The following SMARCD3 variants were observed in gnomAD, a reference collection of about 807,000 sequenced individuals.
The protein encoded by SMARCD3 is SWI/SNF-related matrix-associated actin-dependent regulator of chromatin subfamily D member 3.
In SMARCD3, 14 loss-of-function variants were observed where a neutral mutation model predicts 58.0. The observed-to-expected ratio is 0.24, with a 90% CI of 0.16 to 0.38. The LOEUF (loss-of-function observed/expected upper bound fraction) is 0.38, where lower values mean the gene tolerates loss of function less well. SMARCD3 is among the 10% of genes least tolerant of loss of function. The pLI is 1.00. For missense variants in SMARCD3, 408 were observed against 636.9 expected (o/e 0.64, Z 3.87); for synonymous variants, 253 against 253.8 (o/e 1.00, Z 0.03).
At position 151,248,615 on chromosome 7, in the gene SMARCD3, C is replaced by T; in HGVS notation, c.-53G>A. The T allele has an allele frequency of 1.2e-6, 2 of 1,607,036 alleles. No homozygotes were observed. Among genetic ancestry groups the T allele is most frequent in the Admixed American group, 3.4e-5 (2 of 59,604 alleles). On this transcript the variant is annotated 5_prime_UTR_variant, in exon 1 of 13. Coordinates refer to ENST00000262188, the MANE Select transcript of SMARCD3 (RefSeq NM_001003801.2). This position sits in a 1 kb window ranked among gnomAD's most constrained non-coding sequence, Gnocchi z 6.1. Reference sequence around the variant, plus strand: ...TCTCTCTCTCTCTTCCTCTTTCTTTCCCTTTTCTGCCTTTTTTTTTCCTCC... The same window carrying T: ...TCTCTCTCTCTCTTCCTCTTTCTTTTCCTTTTCTGCCTTTTTTTTTCCTCC...
At chr7:151,252,065 G>T (rs986435366), upstream of SMARCD3, among the ~76,000 whole-genome samples, 6 of 152,066 alleles carry the variant, frequency 3.9e-5, no homozygotes, top group African/African-American at 1.4e-4. Context: ...GAGGGAGGAG[G>T]GATGCGGGGA....
chr7:151,249,241 G>A (rs976905127), upstream of SMARCD3: 1 of 152,082 alleles, frequency 6.6e-6, no homozygotes, highest in African/African-American at 2.4e-5. The surrounding 1 kb of genome is among the most constrained non-coding windows in gnomAD (Gnocchi z 4.8). Flanking sequence ...CGGCGGCGGT[G>A]GGTGTGCCCG....
chr7:151,242,170 T>C lies in SMARCD3; in HGVS notation c.642A>G (p.Lys214=). Residue 214 remains lysine, a synonymous_variant, in exon 6 of 13, where the codon AAA becomes AAG. Transcript: ENST00000262188. The surrounding 1 kb of genome is among the most constrained non-coding windows in gnomAD (Gnocchi z 4.7). ...GGTGGTTGTCAGGGCCATAAAGATC[T>C]TTGTCCAGCTCGATGACCAAACTCT... ...FFKSLVIELD[K]DLYGPDNHLV... is the part of the protein sequence containing the mutation. 5.0e-6 allele frequency: 8 copies of C among 1,614,074 alleles called. No homozygotes were observed. The highest frequency in any genetic ancestry group is 6.8e-6 in the Non-Finnish European group (8 of 1,179,944).
Position 151,269,246 on chromosome 7 carries a change from G to A in SMARCD3, c.39+5868C>T, listed in dbSNP as rs528068620. On this transcript the variant is annotated intron_variant, in intron 2 of 13. Transcript: ENST00000356800. ...CTTCCTGCTGGGCAGAGTGGAGTGG[G>A]TGCTGTAGACCTGAAGCTGGAGCTC... 5.3e-5 allele frequency among the ~76,000 whole-genome samples: 8 copies of A among 152,286 alleles called. No homozygotes were observed. The South Asian group carries it at 1.7e-3, about 32-fold the overall frequency.
upstream of SMARCD3, chr7:151,277,067 G>T (rs1795370594): frequency 1.3e-5 from 2 of 149,562 alleles, no homozygotes; most frequent in African/African-American, 4.9e-5. Flanking sequence ...GCGCGGCGCG[G>T]GTCGCTCACC....
intron 2 of SMARCD3, among the ~76,000 whole-genome samples, chr7:151,254,765 C>A (rs1803646867): frequency 6.6e-6 from 1 of 152,220 alleles, no homozygotes; most frequent in South Asian, 2.1e-4. Flanking sequence ...CTGCCCCTCA[C>A]CTCGGGAAGC....
Position 151,241,458 on chromosome 7 carries a change from C to T in SMARCD3, c.939+34G>A. 4 of 1,595,418 alleles carry T rather than the reference C, an allele frequency of 2.5e-6. No homozygotes were observed. Among genetic ancestry groups the T allele is most frequent in the Admixed American group, 1.7e-5 (1 of 58,222 alleles). ...TTCCCCTGCTGGAGAACTCCGCCTGCTCCCCAGATCCCAGGGTTCAGGAGA... is the reference window on the plus strand; with the variant it reads ...TTCCCCTGCTGGAGAACTCCGCCTGTTCCCCAGATCCCAGGGTTCAGGAGA... On this transcript the variant is annotated intron_variant, in intron 8 of 12. Coordinates refer to ENST00000262188, the MANE Select transcript of SMARCD3 (RefSeq NM_001003801.2). This position sits in a 1 kb window ranked among gnomAD's most constrained non-coding sequence, Gnocchi z 5.3.
intron 2 of SMARCD3, among the ~76,000 whole-genome samples, chr7:151,254,980 T>C (rs1449391766): frequency 6.6e-6 from 1 of 152,106 alleles, no homozygotes; most frequent in Non-Finnish European, 1.5e-5. Flanking sequence ...GATGTGTAAA[T>C]AAAACCCCCG....
chr7:151,256,187 T>A lies in SMARCD3; in HGVS notation c.40-10516A>T, dbSNP rs547351327. ...ATGAGCCACTGCGCCTGGCTTTTTT[T>A]TTTTTTATTTTTGAAACAGAGTGTC... On this transcript the variant is annotated intron_variant, in intron 2 of 13. Coordinates refer to the SMARCD3 transcript ENST00000356800. Among the ~76,000 whole-genome samples the A allele has an allele frequency of 4.2e-3, 606 of 145,404 alleles. 3 individuals carry two copies. Among genetic ancestry groups the A allele is most frequent in the Non-Finnish European group, 6.8e-3 (449 of 66,324 alleles).
At chr7:151,262,582 T>A (rs576466669) in intron 2 of SMARCD3, among the ~76,000 whole-genome samples, 1 of 152,214 alleles carries the variant, frequency 6.6e-6, no homozygotes, top group Non-Finnish European at 1.5e-5. Context: ...TTTACACCCA[T>A]GACATGGCCT....
intron 1 of SMARCD3, among the ~76,000 whole-genome samples, chr7:151,247,509 C>T (rs1458488984): frequency 6.6e-6 from 1 of 152,120 alleles, no homozygotes; most frequent in Non-Finnish European, 1.5e-5. Flanking sequence ...GAGAGCTGTG[C>T]CCGCCACCAG....
rs219227 is a variant in SMARCD3 at position 151,242,273 on chromosome 7, C to T, written c.580-41G>A. 0.82 allele frequency: 1,261,573 copies of T among 1,534,582 alleles called. 519,614 individuals carry two copies. The highest frequency in any genetic ancestry group is 0.86 in the South Asian group (77,188 of 89,582). ...AGGGACCATGGGGGCAGAACAGGGA[C>T]GAGGTGGGAGGAGCAGAAGGAGGCC... On this transcript the variant is annotated intron_variant, in intron 5 of 12. Coordinates refer to ENST00000262188, the MANE Select transcript of SMARCD3 (RefSeq NM_001003801.2). This position sits in a 1 kb window ranked among gnomAD's most constrained non-coding sequence, Gnocchi z 4.7.
At chr7:151,251,795 C>G (rs1803521214), upstream of SMARCD3, among the ~76,000 whole-genome samples, 1 of 151,658 alleles carries the variant, frequency 6.6e-6, no homozygotes, top group African/African-American at 2.4e-5. Flanking sequence ...CCACCAGCAC[C>G]AAATGGCAAA....
rs977103733 is a variant in SMARCD3 at position 151,243,127 on chromosome 7, C to A, written c.334-284G>T. ...AACGGTGGAGCTCAGCAAGCACTAG[C>A]CTTTAGTCTCCTCATCTTGTCATTG... On this transcript the variant is annotated intron_variant, in intron 3 of 12. Transcript: ENST00000262188. This position sits in a 1 kb window ranked among gnomAD's most constrained non-coding sequence, Gnocchi z 4.4. 2.6e-5 allele frequency among the ~76,000 whole-genome samples: 4 copies of A among 152,142 alleles called. No homozygotes were observed. Among genetic ancestry groups the A allele is most frequent in the African/African-American group, 9.7e-5 (4 of 41,414 alleles).
At position 151,246,739 on chromosome 7, in the gene SMARCD3, C is replaced by T. The variant is rs926862687; in HGVS notation, c.79-1068G>A. Among the ~76,000 whole-genome samples the T allele has an allele frequency of 1.3e-5, 2 of 152,050 alleles. No individual in the cohort carries two copies. Among genetic ancestry groups the T allele is most frequent in the Non-Finnish European group, 2.9e-5 (2 of 67,996 alleles). ...GTAAATGAGATGCAAATGCATCGAG[C>T]GAAGTGTTCCAAACCCCACTTGTCC... On this transcript the variant is annotated intron_variant, in intron 1 of 12. Coordinates refer to ENST00000262188, the MANE Select transcript of SMARCD3 (RefSeq NM_001003801.2). The surrounding 1 kb of genome is among the most constrained non-coding windows in gnomAD (Gnocchi z 4.4).
chr7:151,245,069 G>A lies in SMARCD3; in HGVS notation c.290+391C>T, dbSNP rs747477926. ...CCGGGGGCCGGCAGGAAGGCTCAGC[G>A]GAGAACCACACTTTGGGGAACACAG... On this transcript the variant is annotated intron_variant, in intron 2 of 12. Coordinates refer to ENST00000262188, the MANE Select transcript of SMARCD3 (RefSeq NM_001003801.2). This position sits in a 1 kb window ranked among gnomAD's most constrained non-coding sequence, Gnocchi z 6.2. Among the ~76,000 whole-genome samples, 1 of 152,166 alleles carries A rather than the reference G, an allele frequency of 6.6e-6. No homozygotes were observed. Among genetic ancestry groups the A allele is most frequent in the Non-Finnish European group, 1.5e-5 (1 of 68,032 alleles).
At chr7:151,259,215 G>A (rs1803815962) in intron 2 of SMARCD3, among the ~76,000 whole-genome samples, 1 of 151,960 alleles carries the variant, frequency 6.6e-6, no homozygotes, top group Non-Finnish European at 1.5e-5. Flanking sequence ...AGCTGGGCGT[G>A]GTGGCGGGCA....
chr7:151,270,638 G>C (rs1200087645), intron 2 of SMARCD3, among the ~76,000 whole-genome samples: 1 of 152,208 alleles, frequency 6.6e-6, no homozygotes, highest in Non-Finnish European at 1.5e-5. Context: ...CAGTTAGCCA[G>C]GTGAAGGGAG....
At position 151,240,441 on chromosome 7, in the gene SMARCD3, T is replaced by A. The variant is rs1481780355; in HGVS notation, c.1021A>T (p.Ile341Phe). The A allele has an allele frequency of 1.2e-6, 2 of 1,613,646 alleles. No individual in the cohort carries two copies. The highest frequency in any genetic ancestry group is 2.7e-5 in the African/African-American group (2 of 74,900). Residue 341 changes from isoleucine to phenylalanine, a missense_variant, in exon 9 of 13, where the codon ATC (isoleucine) becomes TTC (phenylalanine). Transcript: ENST00000262188. Reference protein sequence around the residue: ...ALLLPPDPIVINHVISVDPSD... With the variant: ...ALLLPPDPIVFNHVISVDPSD... Reference sequence around the variant, plus strand: ...CCACCTCACCTGATGACATGGTTGATGACAATTGGGTCAGGGGGCAATAGC... The same window carrying A: ...CCACCTCACCTGATGACATGGTTGAAGACAATTGGGTCAGGGGGCAATAGC...
Sources: gnomAD v4.1 joint callset for allele counts (sites outside exome capture counted in the v4.1 genomes callset) on GRCh38, gnomAD v4.1.1 for gene constraint, Gnocchi (gnomAD v3.1) non-coding constraint, MANE v1.5 for transcripts, NCBI Gene and HGNC (gene_info 2026-07-23, HGNC 2026-07-21) for gene names.